ATXN1: variants seen among roughly 807,000 people sequenced by gnomAD.
The protein encoded by ATXN1 is ataxin-1.
ATXN1 carries 8 observed loss-of-function variants against 56.4 expected under a neutral mutation model. That is an observed-to-expected ratio of 0.14 (90% CI 0.08 to 0.26). ATXN1 has a LOEUF of 0.26. Among genes scored for constraint, ATXN1 ranks in the 10% least tolerant of loss-of-function variants. ATXN1 has a pLI of 1.00. For synonymous variants in ATXN1, 514 were observed against 494.6 expected (o/e 1.04, Z -0.52); for missense variants, 987 against 1,106.5 (o/e 0.89, Z 1.53).
In ATXN1 at chr6:16,401,444, A is replaced by C. The variant is rs1758567706; in HGVS notation, c.-160-72974T>G. ...CCTTGACTCTAAAAAACATAATTTA[A>C]AAATTTAAAAAAAATAGCTGGGTGT... On this transcript the variant is annotated intron_variant, in intron 6 of 7. Transcript: ENST00000436367. Among the ~76,000 whole-genome samples the C allele has an allele frequency of 2.6e-5, 4 of 152,286 alleles. No homozygotes were observed. In the South Asian group the frequency reaches 8.3e-4, roughly 32 times the overall value.
intron 2 of ATXN1, among the ~76,000 whole-genome samples, chr6:16,729,356 A>G (rs1038829917): frequency 6.6e-6 from 1 of 152,196 alleles, no homozygotes; most frequent in Non-Finnish European, 1.5e-5. Context: ...AGTCATGGAT[A>G]TTGTGTTAAA....
At chr6:16,340,907 G>T (rs1761230609) in intron 6 of ATXN1, among the ~76,000 whole-genome samples, 1 of 152,158 alleles carries the variant, frequency 6.6e-6, no homozygotes, top group Non-Finnish European at 1.5e-5. Flanking sequence ...AGGGCCAAAG[G>T]CTCAGAGAAA....
Position 16,458,500 on chromosome 6 carries a change from C to T in ATXN1, c.-161+27472G>A, listed in dbSNP as rs374290566. Among the ~76,000 whole-genome samples, 22 of 152,282 alleles carry T rather than the reference C, an allele frequency of 1.4e-4. No homozygotes were observed. In the East Asian group the frequency reaches 3.9e-3, roughly 27 times the overall value. The stretch of plus-strand genomic sequence containing the variant: ...TCAGGAGAAAGCTCCAAAAGCGAGC[C>T]CTTGGCCCTGAACAAAATCTGGAGG... On this transcript the variant is annotated intron_variant, in intron 6 of 7. Transcript: ENST00000436367.
chr6:16,733,774 G>A (rs1338745674), intron 2 of ATXN1, among the ~76,000 whole-genome samples: 1 of 152,254 alleles, frequency 6.6e-6, no homozygotes, highest in Non-Finnish European at 1.5e-5. Flanking sequence ...TTGAATCCGG[G>A]AGGGAGAGGT....
intron 6 of ATXN1, among the ~76,000 whole-genome samples, chr6:16,430,480 A>G (rs982772004): frequency 1.3e-5 from 2 of 152,314 alleles, no homozygotes; most frequent in Non-Finnish European, 2.9e-5. Flanking sequence ...ATTTCCAGAC[A>G]TGTTTTTGAA....
At chr6:16,532,919 A>C (rs1012060413) in intron 4 of ATXN1, among the ~76,000 whole-genome samples, 10 of 152,212 alleles carry the variant, frequency 6.6e-5, no homozygotes, top group Admixed American at 2.6e-4. Context: ...GCACTTGAAC[A>C]GATATTTGTA....
At chr6:16,369,744 T>C (rs560958307) in intron 6 of ATXN1, among the ~76,000 whole-genome samples, 25 of 152,308 alleles carry the variant, frequency 1.6e-4, no homozygotes, top group African/African-American at 5.8e-4. Flanking sequence ...CTTTATTTCA[T>C]TCCACCAGGA....
At chr6:16,649,951 G>GT (rs146378566) in intron 3 of ATXN1, among the ~76,000 whole-genome samples, 32,234 of 147,216 alleles carry the variant, frequency 0.22, 3,876 homozygotes, top group Non-Finnish European at 0.29. Context: ...TTTCTGTTTT[G>GT]TTTTTTTTTT....
At chr6:16,540,342 G>A (rs1162450646) in intron 4 of ATXN1, among the ~76,000 whole-genome samples, 1 of 152,096 alleles carries the variant, frequency 6.6e-6, no homozygotes, top group Non-Finnish European at 1.5e-5. Flanking sequence ...CTCCCAAGTA[G>A]CTGGGACTAC....
At chr6:16,669,551 T>A (rs191412597) in intron 2 of ATXN1, among the ~76,000 whole-genome samples, 1 of 152,298 alleles carries the variant, frequency 6.6e-6, no homozygotes, top group Non-Finnish European at 1.5e-5. Context: ...CCCCTTGGTG[T>A]GCTCTACTAC....
At chr6:16,575,190 G>C (rs938651869) in intron 4 of ATXN1, among the ~76,000 whole-genome samples, 1 of 151,996 alleles carries the variant, frequency 6.6e-6, no homozygotes, top group Non-Finnish European at 1.5e-5. Context: ...TAAATGTTTG[G>C]GGTAGGGATA....
intron 6 of ATXN1, among the ~76,000 whole-genome samples, chr6:16,358,937 T>C (rs1362010375): frequency 6.6e-6 from 1 of 152,154 alleles, no homozygotes; most frequent in South Asian, 2.1e-4. Flanking sequence ...GCCCTGCCCC[T>C]TCCGAGTTGT....
intron 6 of ATXN1, among the ~76,000 whole-genome samples, chr6:16,423,357 T>C (rs1759075436): frequency 6.6e-6 from 1 of 152,198 alleles, no homozygotes; most frequent in Non-Finnish European, 1.5e-5. Flanking sequence ...GATGCTGTCA[T>C]CAATCAGTCA....
intron 5 of ATXN1, among the ~76,000 whole-genome samples, chr6:16,495,780 T>G (rs1050950309): frequency 2.5e-4 from 38 of 151,850 alleles, no homozygotes; most frequent in African/African-American, 8.7e-4. Flanking sequence ...GGAGAATCAC[T>G]TGAACCCAGG....
chr6:16,733,816 C>A (rs1170381360), intron 2 of ATXN1, among the ~76,000 whole-genome samples: 1 of 152,178 alleles, frequency 6.6e-6, no homozygotes, highest in Non-Finnish European at 1.5e-5. Context: ...CATTGCACTC[C>A]AGCCTGGGCA....
intron 3 of ATXN1, chr6:16,651,960 A>G (rs1357582688): frequency 6.6e-6 from 1 of 152,212 alleles, no homozygotes; most frequent in Non-Finnish European, 1.5e-5. Context: ...AAAGCTCTCA[A>G]ATTGTCACTA....
chr6:16,460,232 C>T (rs1262092449), intron 6 of ATXN1, among the ~76,000 whole-genome samples: 3 of 152,170 alleles, frequency 2.0e-5, no homozygotes, highest in Admixed American at 2.0e-4. Flanking sequence ...AAGACTTAAG[C>T]CTTCCCCAGG....
chr6:16,561,569 A>G (rs1762119178), intron 4 of ATXN1, among the ~76,000 whole-genome samples: 1 of 152,216 alleles, frequency 6.6e-6, no homozygotes, highest in South Asian at 2.1e-4. Context: ...TCTCATGAGT[A>G]CATAGTTTAA....
At chr6:16,606,424 G>A (rs939924282) in intron 3 of ATXN1, among the ~76,000 whole-genome samples, 1 of 152,070 alleles carries the variant, frequency 6.6e-6, no homozygotes, top group African/African-American at 2.4e-5. Context: ...GATCCAAAGT[G>A]CAGAGGATCT....
Sources: allele counts gnomAD v4.1 joint callset (sites outside exome capture counted in the v4.1 genomes callset), GRCh38; gene constraint gnomAD v4.1.1; transcripts MANE v1.5; gene names NCBI Gene and HGNC (gene_info 2026-07-23, HGNC 2026-07-21).